The following ABCA5 variants were observed in gnomAD, a reference collection of about 807,000 sequenced individuals.
ABCA5 encodes ATP binding cassette subfamily A member 5, also known as cholesterol transporter ABCA5.
A neutral mutation model predicts 206.0 loss-of-function variants in ABCA5; 163 were observed. The ratio of observed to expected loss-of-function variants is 0.79; its 90% CI spans 0.70 to 0.90. The LOEUF is 0.90. Ranked by LOEUF, ABCA5 falls within the 40% of genes least tolerant of loss-of-function variation. The probability of loss-of-function intolerance (pLI) is 0.00; values close to 1 mark genes in which losing one functional copy is unlikely to be tolerated. For synonymous variants in ABCA5, 609 were observed against 613.8 expected (o/e 0.99, Z 0.11); for missense variants, 1,859 against 1,912.9 (o/e 0.97, Z 0.53).
intron 28 of ABCA5, among the ~76,000 whole-genome samples, chr17:69,258,882 G>A (rs2075113471): frequency 6.6e-6 from 1 of 152,068 alleles, no homozygotes. Context: ...TGTAAGCAAG[G>A]CTGGATAGAA....
chr17:69,308,447 T>C (rs1230957062), intron 4 of ABCA5, 79 bp from the exon 5 acceptor site: 5 of 914,008 alleles, frequency 5.5e-6, no homozygotes, highest in Non-Finnish European at 8.8e-6. Flanking sequence ...TATGGAGAGA[T>C]ACCTACCAAA....
At chr17:69,298,279 G>A (rs1567774583) in intron 9 of ABCA5, among the ~76,000 whole-genome samples, 36 of 97,264 alleles carry the variant, frequency 3.7e-4, no homozygotes, top group African/African-American at 1.4e-3. Context: ...AAGGAAGGAA[G>A]GAAGGGAGGG....
intron 19 of ABCA5, among the ~76,000 whole-genome samples, chr17:69,274,352 G>A (rs817127): frequency 0.31 from 47,031 of 151,560 alleles, 7,856 homozygotes; most frequent in East Asian, 0.56. Flanking sequence ...CCAAATAGCT[G>A]AGACTACAGG....
intron 20 of ABCA5, among the ~76,000 whole-genome samples, chr17:69,272,157 C>A (rs2075280815): frequency 6.6e-6 from 1 of 152,136 alleles, no homozygotes; most frequent in Non-Finnish European, 1.5e-5. Context: ...GGTGACACTA[C>A]TTTACTCCCA....
chr17:69,256,313 G>T, intron 28 of ABCA5, 30 bp from the exon 29 acceptor site: 1 of 1,412,978 alleles, frequency 7.1e-7, no homozygotes. Flanking sequence ...ATAAAAGACA[G>T]TAGGTTTTCA....
In ABCA5 at chr17:69,268,039, A is replaced by C. The variant is rs2144928635; in HGVS notation, c.3048T>G (p.Val1016=). 6.3e-7 allele frequency: 1 copy of C among 1,584,158 alleles called. No individual in the cohort carries two copies. The highest frequency in any genetic ancestry group is 2.2e-5 in the East Asian group (1 of 44,490). The change falls in exon 23 of 39, where the codon GTT becomes GTG. Residue 1016 remains valine, a synonymous_variant. Transcript: ENST00000392676. ...TPFFQEITDI[V]FKIELYFQAA... ...CTTGAAAATACAGCTCAATTTTAAA[A>C]ACTATATCAGTAATTTCCTGAAAGA...
At chr17:69,289,782 AT>A in intron 13 of ABCA5, 79 bp downstream of exon 13, 1 of 1,115,746 alleles carries the variant, frequency 9.0e-7, no homozygotes, top group Non-Finnish European at 1.3e-6. Flanking sequence ...ATTTTCAAGC[AT>A]ATTTTTATTG....
chr17:69,268,120 T>C, intron 22 of ABCA5, 64 bp from the exon 23 acceptor site: 1 of 568,248 alleles, frequency 1.8e-6, no homozygotes. Context: ...AGATATATCT[T>C]AGGATATATC....
chr17:69,299,037 T>C (rs372564612), intron 9 of ABCA5, among the ~76,000 whole-genome samples: 6 of 152,160 alleles, frequency 3.9e-5, no homozygotes, highest in South Asian at 4.1e-4. Flanking sequence ...TAATAAGATA[T>C]ACAAATGGCC....
chr17:69,271,392 T>C (rs1242871594), intron 20 of ABCA5, 103 bp from the exon 21 acceptor site: 7 of 1,260,010 alleles, frequency 5.6e-6, no homozygotes, highest in Non-Finnish European at 7.5e-6. Context: ...TTATTTTCAT[T>C]AGCGAATACG....
At position 69,245,578 on chromosome 17, in the gene ABCA5, T is replaced by A. The variant is rs1292631686; in HGVS notation, c.*1959A>T. On this transcript the variant is annotated 3_prime_UTR_variant, in exon 39 of 39. Coordinates refer to ENST00000392676, the MANE Select transcript of ABCA5 (RefSeq NM_172232.4). The stretch of plus-strand genomic sequence containing the variant: ...GTTACTGTGAAAAAGGGAACATAAT[T>A]TAATTTAACAACCAAAATATATTCT... 1 of 151,828 alleles carries A rather than the reference T, an allele frequency of 6.6e-6. No homozygotes were observed. Among genetic ancestry groups the A allele is most frequent in the African/African-American group, 2.4e-5 (1 of 41,362 alleles). 9.4% of individuals were successfully genotyped at this position (151,828 alleles called of 1,614,324 possible).
At chr17:69,288,715 AAAAGAAG>A (rs1467038784) in intron 14 of ABCA5, among the ~76,000 whole-genome samples, 8 of 82,212 alleles carry the variant, frequency 9.7e-5, no homozygotes, top group African/African-American at 4.3e-5. Flanking sequence ...ATTAAAAAAA[AAAAGAAG>A]AAAGAAAGAA....
At chr17:69,270,361 T>C (rs1442182028) in intron 22 of ABCA5, among the ~76,000 whole-genome samples, 1 of 152,096 alleles carries the variant, frequency 6.6e-6, no homozygotes, top group African/African-American at 2.4e-5. Context: ...TATTTTATTC[T>C]ATGATCAATA....
In ABCA5 at chr17:69,289,189, A is replaced by C. The variant is rs1567769186; in HGVS notation, c.1890T>G (p.Leu630=). The change falls in exon 14 of 39, where the codon CTT becomes CTG. Residue 630 remains leucine (L), a synonymous_variant. Transcript: ENST00000392676. ...AATATTTATTTACCTTTGGGTTCCC[A>C]AGAACAGCAATTCCTAATGACAGCT... ...KRKLSLGIAV[L]GNPKILLLDE... The C allele has an allele frequency of 1.9e-6, 3 of 1,602,802 alleles. No individual in the cohort carries two copies. Among genetic ancestry groups the C allele is most frequent in the Non-Finnish European group, 2.5e-6 (3 of 1,176,502 alleles).
chr17:69,264,286 A>AT (rs1234683035), intron 24 of ABCA5, among the ~76,000 whole-genome samples: 2 of 151,868 alleles, frequency 1.3e-5, no homozygotes, highest in Non-Finnish European at 2.9e-5. Context: ...AGGTATTTTA[A>AT]TTTTTTGTGG....
At chr17:69,285,857 G>C (rs371216724) in intron 17 of ABCA5, 41 bp downstream of exon 17, 4 of 1,568,934 alleles carry the variant, frequency 2.5e-6, no homozygotes, top group Non-Finnish European at 1.7e-6. Flanking sequence ...CCCAATATAG[G>C]ATCCCAGTTC....
At chr17:69,285,567 T>C (rs1183779290) in intron 17 of ABCA5, 1 of 162,376 alleles carries the variant, frequency 6.2e-6, no homozygotes. Context: ...ATAAACTATA[T>C]ACATATATGC....
intron 1 of ABCA5, among the ~76,000 whole-genome samples, chr17:69,319,225 C>G (rs1483236296): frequency 6.6e-6 from 1 of 152,128 alleles, no homozygotes; most frequent in African/African-American, 2.4e-5. Flanking sequence ...AAACACTAAC[C>G]TAATGCAGCA....
intron 28 of ABCA5, among the ~76,000 whole-genome samples, chr17:69,258,272 A>C (rs1328888605): frequency 6.6e-6 from 1 of 152,162 alleles, no homozygotes; most frequent in African/African-American, 2.4e-5. Context: ...AACCAACCTA[A>C]GAGTCCATCA....
Sources: allele counts gnomAD v4.1 joint callset (sites outside exome capture counted in the v4.1 genomes callset), GRCh38; gene constraint gnomAD v4.1.1; transcripts MANE v1.5; gene names NCBI Gene and HGNC (gene_info 2026-07-23, HGNC 2026-07-21).